PTPN4: variants seen among roughly 807,000 people sequenced by gnomAD.
PTPN4 encodes the protein tyrosine-protein phosphatase non-receptor type 4.
PTPN4 carries 49 observed loss-of-function variants against 135.5 expected under a neutral mutation model. The observed-to-expected ratio is 0.36, with a 90% confidence interval of 0.29 to 0.46. The LOEUF (loss-of-function observed/expected upper bound fraction) is 0.46, where lower values mean the gene tolerates loss of function less well. PTPN4 is among the 20% of genes least tolerant of loss of function. The probability of loss-of-function intolerance (pLI) is 1.00; values close to 1 mark genes in which losing one functional copy is unlikely to be tolerated. For synonymous variants in PTPN4, 333 were observed against 369.9 expected (o/e 0.90, Z 1.14); for missense variants, 860 against 1,101.0 (o/e 0.78, Z 3.10).
intron 1 of PTPN4, among the ~76,000 whole-genome samples, chr2:119,788,546 A>G (rs2104933613): frequency 6.6e-6 from 1 of 152,268 alleles, no homozygotes; most frequent in East Asian, 1.9e-4. Flanking sequence ...ACCACCATCC[A>G]TCTTCAGAAT....
intron 2 of PTPN4, among the ~76,000 whole-genome samples, chr2:119,844,621 C>T (rs1265406942): frequency 2.5e-4 from 37 of 150,724 alleles, no homozygotes; most frequent in Non-Finnish European, 4.1e-4. Context: ...GATGGGGCAG[C>T]GGGGCAGAGG....
intron 1 of PTPN4, among the ~76,000 whole-genome samples, chr2:119,805,921 T>C (rs1403184220): frequency 6.6e-6 from 1 of 152,210 alleles, no homozygotes; most frequent in Non-Finnish European, 1.5e-5. Context: ...GAGCATGGAA[T>C]GTTCTTCCAT....
intron 3 of PTPN4, among the ~76,000 whole-genome samples, chr2:119,876,857 G>T (rs542202037): frequency 7.2e-4 from 108 of 149,610 alleles, no homozygotes; most frequent in Non-Finnish European, 1.3e-3. Context: ...TTCAAGTTCT[G>T]TAGTAGAATT....
intron 1 of PTPN4, among the ~76,000 whole-genome samples, chr2:119,764,875 T>G (rs1057358563): frequency 1.2e-4 from 19 of 152,208 alleles, no homozygotes; most frequent in Admixed American, 1.2e-3. Context: ...ATTGTTCATA[T>G]TTAAAAAATA....
intron 23 of PTPN4, among the ~76,000 whole-genome samples, 195 bp from the exon 24 acceptor site, chr2:119,962,421 T>C (rs1470422860): frequency 6.6e-6 from 1 of 151,700 alleles, no homozygotes; most frequent in Admixed American, 6.6e-5. Flanking sequence ...GCTATTGCAC[T>C]CTAGCCTGGG....
Position 119,827,142 on chromosome 2 carries a change from T to G in PTPN4, c.138+17151T>G, listed in dbSNP as rs537472560. Among the ~76,000 whole-genome samples the G allele has an allele frequency of 4.6e-5, 7 of 152,284 alleles. No homozygotes were observed. In the East Asian group the frequency reaches 1.4e-3, roughly 29 times the overall value. Reference sequence around the variant, plus strand: ...TAGCCGTACCCCTATACATACACATTTGCTTCCTAAGTTGATAGTGTGCGT... The same window carrying G: ...TAGCCGTACCCCTATACATACACATGTGCTTCCTAAGTTGATAGTGTGCGT... On this transcript the variant is annotated intron_variant, in intron 2 of 26. Transcript: ENST00000263708.
intron 11 of PTPN4, among the ~76,000 whole-genome samples, chr2:119,919,785 C>T (rs1678710283): frequency 7.0e-6 from 1 of 143,386 alleles, no homozygotes. Flanking sequence ...GATCGTGCCA[C>T]TGCACTCCAG....
At chr2:119,829,593 G>T (rs1337355963) in intron 2 of PTPN4, among the ~76,000 whole-genome samples, 2 of 152,060 alleles carry the variant, frequency 1.3e-5, no homozygotes, top group Non-Finnish European at 1.5e-5. Flanking sequence ...TATTGTGTTT[G>T]GCTTATTTCA....
At chr2:119,956,584 G>T (rs889763712) in intron 20 of PTPN4, among the ~76,000 whole-genome samples, 4 of 152,092 alleles carry the variant, frequency 2.6e-5, no homozygotes, top group African/African-American at 9.7e-5. Context: ...ACAACTTCAG[G>T]TGCTCCTGCT....
chr2:119,822,678 C>T (rs1677087665), intron 2 of PTPN4, among the ~76,000 whole-genome samples: 1 of 152,080 alleles, frequency 6.6e-6, no homozygotes, highest in South Asian at 2.1e-4. Context: ...ATCTCTTTAG[C>T]CGATATCTTC....
At chr2:119,884,477 G>A (rs1177864167) in intron 8 of PTPN4, among the ~76,000 whole-genome samples, 3 of 152,162 alleles carry the variant, frequency 2.0e-5, no homozygotes, top group African/African-American at 4.8e-5. Flanking sequence ...TAAAAGGTTT[G>A]CTGATTCCTG....
At chr2:119,901,417 G>A (rs1226652866) in intron 10 of PTPN4, among the ~76,000 whole-genome samples, 1 of 152,224 alleles carries the variant, frequency 6.6e-6, no homozygotes, top group African/African-American at 2.4e-5. Context: ...CAGCAAGGAT[G>A]TGAAAAACAA....
chr2:119,882,619 C>G lies in PTPN4; in HGVS notation c.583C>G (p.His195Asp). 6.6e-7 allele frequency: 1 copy of G among 1,526,134 alleles called. No homozygotes were observed. The highest frequency in any genetic ancestry group is 8.9e-7 in the Non-Finnish European group (1 of 1,122,688). The allele number at this position is 1,526,134 out of a possible 1,614,324, so 94.5% of individuals were successfully genotyped here. The change falls in exon 8 of 27, where the codon CAC becomes GAC. Residue 195 changes from histidine to aspartate, a missense_variant. By Grantham distance (81) the His-to-Asp change is moderately conservative (BLOSUM62 -1). Around this residue, in one of 2 missense-constraint regions of PTPN4, gnomAD observed 684 missense variants for 807.0 expected, o/e 0.85. Transcript: ENST00000263708. The part of the protein sequence containing the change: ...EKEIAKLHQQ[H>D]IGLSPAEAEF... The stretch of plus-strand genomic sequence containing the variant: ...AGAAATTGCAAAATTACATCAGCAA[C>G]ACATGTAAGAGTTTTTTAGTTTTTT...
intron 22 of PTPN4, among the ~76,000 whole-genome samples, chr2:119,957,596 C>T (rs895967042): frequency 3.6e-5 from 5 of 140,844 alleles, no homozygotes; most frequent in Non-Finnish European, 4.6e-5. Context: ...GTCTAGAATA[C>T]GTCATTGTAA....
intron 25 of PTPN4, 126 bp downstream of exon 25, chr2:119,965,771 G>A: frequency 8.9e-7 from 1 of 1,122,876 alleles, no homozygotes; most frequent in Non-Finnish European, 1.2e-6. Context: ...GCTATGCTCT[G>A]AAGGTAGGAG....
rs190202871 is a variant in PTPN4, at chr2:119,866,288, T to C, written c.246+3645T>C. On this transcript the variant is annotated intron_variant, in intron 3 of 26. Coordinates refer to ENST00000263708, the MANE Select transcript of PTPN4 (RefSeq NM_002830.4). ...TAAATTGAATTATACTGCTCTTAAG[T>C]AGGATAGAGGGTAGATTATTAATTA... 4.1e-4 allele frequency among the ~76,000 whole-genome samples: 62 copies of C among 152,166 alleles called. No homozygotes were observed. In the Middle Eastern group the frequency reaches 0.01, roughly 25 times the overall value.
intron 2 of PTPN4, among the ~76,000 whole-genome samples, chr2:119,811,589 G>T (rs1421369628): frequency 6.6e-6 from 1 of 152,156 alleles, no homozygotes. Context: ...GTATTAGACA[G>T]TTGATGTAAG....
In PTPN4 at chr2:119,766,484, CTGTGTGTGTG is replaced by C. The variant is rs113673836; in HGVS notation, c.-18+6117_-18+6126del. 5.8e-5 allele frequency among the ~76,000 whole-genome samples: 6 copies of C among 103,916 alleles called. No individual in the cohort carries two copies. The South Asian group carries it at 1.1e-3, about 19-fold the overall frequency. 68.2% of individuals were successfully genotyped at this position (103,916 alleles called of 152,430 possible). A position where few individuals can be genotyped will look rare whatever the true frequency, so the allele number is the denominator to read the frequency against. ...TGTGTGTGTGTGTGTGTGTGTGTGTCTGTGTGTGTGTGTGTGTGTGTGTGTGAAATATCTC... is the reference window on the plus strand; with the variant it reads ...TGTGTGTGTGTGTGTGTGTGTGTGTCTGTGTGTGTGTGTGTGAAATATCTC... On this transcript the variant is annotated intron_variant, in intron 1 of 26. Coordinates refer to ENST00000263708, the MANE Select transcript of PTPN4 (RefSeq NM_002830.4).
intron 2 of PTPN4, among the ~76,000 whole-genome samples, chr2:119,857,269 G>C (rs929304220): frequency 1.3e-5 from 2 of 152,098 alleles, no homozygotes; most frequent in Non-Finnish European, 2.9e-5. Flanking sequence ...GGTGGCTCAT[G>C]CCTGTAATCC....
Sources: gnomAD v4.1 joint callset for allele counts (sites outside exome capture counted in the v4.1 genomes callset) on GRCh38, gnomAD v4.1.1 for gene constraint, gnomAD v4.1.1 regional missense constraint, MANE v1.5 for transcripts, NCBI Gene and HGNC (gene_info 2026-07-23, HGNC 2026-07-21) for gene names.